Variants in ARMC2 observed in about 807,000 individuals in gnomAD.
ARMC2 encodes armadillo repeat containing 2.
A neutral mutation model predicts 90.3 loss-of-function variants in ARMC2; 67 were observed. The observed-to-expected ratio is 0.74, with a 90% CI of 0.61 to 0.91. ARMC2 has a LOEUF of 0.91. ARMC2 is among the 40% of genes least tolerant of loss of function. The probability of loss-of-function intolerance (pLI) is 0.00; values close to 1 mark genes in which losing one functional copy is unlikely to be tolerated. For synonymous variants in ARMC2, 393 were observed against 393.0 expected, an observed-to-expected ratio of 1.00 and a Z score of 0.00; for missense variants, 920 against 1,030.9, an observed-to-expected ratio of 0.89 and a Z score of 1.47.
the ARMC2 span, among the ~76,000 whole-genome samples, chr6:108,979,896 T>C: frequency 6.6e-6 from 1 of 151,708 alleles, no homozygotes; most frequent in African/African-American, 2.4e-5. Context: ...TCATCTAACC[T>C]TTTTTCAGGG....
At chr6:108,936,097 G>A (rs894978714) in intron 11 of ARMC2, among the ~76,000 whole-genome samples, 4 of 152,126 alleles carry the variant, frequency 2.6e-5, no homozygotes, top group Non-Finnish European at 5.9e-5. Context: ...GGTTTTGTTT[G>A]CTTGCTTGCT....
chr6:109,022,411 C>CTTTTTTTT, the ARMC2 span, among the ~76,000 whole-genome samples: 5 of 65,870 alleles, frequency 7.6e-5, no homozygotes, highest in East Asian at 1.0e-3. Flanking sequence ...TGTTCTAAAG[C>CTTTTTTTT]TTTTTTTTTT....
Position 108,868,878 on chromosome 6 carries a change from C to G in ARMC2, c.346C>G (p.Pro116Ala), listed in dbSNP as rs753358737. ...TREEDSCFSF[P>A]KPPVDPAKIR... ...AGAGGAGGATTCCTGCTTTTCCTTT[C>G]CTAAGCCCCCAGTGGACCCTGCGAA... Residue 116 changes from proline (P) to alanine (A), a missense_variant, in exon 4 of 18, where the codon CCT (proline) becomes GCT (alanine). Coordinates refer to ENST00000392644, the MANE Select transcript of ARMC2 (RefSeq NM_032131.6). The G allele has an allele frequency of 9.3e-6, 15 of 1,613,866 alleles. No individual in the cohort carries two copies. The highest frequency in any genetic ancestry group is 1.3e-5 in the African/African-American group (1 of 74,920).
intron 6 of ARMC2, 112 bp downstream of exon 6, chr6:108,894,655 G>C: frequency 1.1e-6 from 1 of 878,166 alleles, no homozygotes; most frequent in Non-Finnish European, 1.7e-6. Flanking sequence ...TGTCCAATTT[G>C]GTCACAAATC....
intron 12 of ARMC2, among the ~76,000 whole-genome samples, chr6:108,948,324 T>C (rs1393580940): frequency 6.6e-6 from 1 of 152,034 alleles, no homozygotes; most frequent in Non-Finnish European, 1.5e-5. Flanking sequence ...AGACAAGCCC[T>C]GGCATGGAGA....
At chr6:109,050,935 C>T in the ARMC2 span, among the ~76,000 whole-genome samples, 1 of 152,150 alleles carries the variant, frequency 6.6e-6, no homozygotes, top group Non-Finnish European at 1.5e-5. Flanking sequence ...TCCTCAGCCA[C>T]CTCCATAGAA....
At chr6:108,961,074 T>C (rs1777966474) in intron 13 of ARMC2, among the ~76,000 whole-genome samples, 3 of 152,114 alleles carry the variant, frequency 2.0e-5, no homozygotes, top group Admixed American at 2.0e-4. Flanking sequence ...TGCTGAGAGA[T>C]GAACTAGTGG....
chr6:109,005,710 C>T, the ARMC2 span, among the ~76,000 whole-genome samples: 1 of 152,170 alleles, frequency 6.6e-6, no homozygotes, highest in Admixed American at 6.5e-5. Context: ...TGTCTCCCCT[C>T]TTCCTTAGCC....
chr6:108,954,563 G>A (rs990780679), intron 13 of ARMC2, among the ~76,000 whole-genome samples: 26 of 152,178 alleles, frequency 1.7e-4, no homozygotes, highest in African/African-American at 6.0e-4. Context: ...ACGGAGGGCC[G>A]CAGTGGGCCG....
the ARMC2 span, among the ~76,000 whole-genome samples, chr6:109,040,806 C>T: frequency 6.6e-6 from 1 of 152,022 alleles, no homozygotes; most frequent in Non-Finnish European, 1.5e-5. Context: ...GTGCACGCGA[C>T]CACGCCCAGC....
At chr6:108,996,216 C>T in the ARMC2 span, among the ~76,000 whole-genome samples, 1 of 152,186 alleles carries the variant, frequency 6.6e-6, no homozygotes, top group African/African-American at 2.4e-5. Flanking sequence ...TATTAAGAGA[C>T]AATCTATATC....
chr6:108,978,593 G>A (rs1462956318), downstream of ARMC2, among the ~76,000 whole-genome samples: 1 of 152,132 alleles, frequency 6.6e-6, no homozygotes, highest in African/African-American at 2.4e-5. Context: ...CTGAAAGTGG[G>A]GTGTTAAAGT....
chr6:109,052,615 A>G, the ARMC2 span, among the ~76,000 whole-genome samples: 1 of 152,216 alleles, frequency 6.6e-6, no homozygotes, highest in African/African-American at 2.4e-5. Flanking sequence ...TAAATGTTAT[A>G]TTTAAACATT....
chr6:109,000,760 TAA>T, the ARMC2 span: 2 of 1,092,536 alleles, frequency 1.8e-6, no homozygotes, highest in Non-Finnish European at 2.4e-6. Flanking sequence ...AAGAGCTAAT[TAA>T]GTTTATTAGT....
At chr6:108,953,422 C>G in intron 13 of ARMC2, 71 bp downstream of exon 13, 1 of 1,443,948 alleles carries the variant, frequency 6.9e-7, no homozygotes, top group South Asian at 1.4e-5. Context: ...AGTTCTGTGT[C>G]TGTGGTGTGA....
At chr6:108,885,997 C>T (rs1778061067) in intron 5 of ARMC2, among the ~76,000 whole-genome samples, 1 of 152,164 alleles carries the variant, frequency 6.6e-6, no homozygotes, top group African/African-American at 2.4e-5. Context: ...AACTGTGTGG[C>T]CACAAAGCCT....
chr6:108,932,040 T>C (rs1251641416), intron 11 of ARMC2, among the ~76,000 whole-genome samples: 2 of 151,996 alleles, frequency 1.3e-5, no homozygotes, highest in African/African-American at 2.4e-5. Flanking sequence ...GCTGGGATTA[T>C]AGGCGTGAGC....
intron 5 of ARMC2, among the ~76,000 whole-genome samples, chr6:108,891,110 C>T (rs1299695348): frequency 6.6e-6 from 1 of 152,158 alleles, no homozygotes; most frequent in Non-Finnish European, 1.5e-5. Flanking sequence ...CATACTATTC[C>T]ATGGTGTATA....
chr6:108,944,072 C>G (rs913210015), intron 12 of ARMC2, among the ~76,000 whole-genome samples: 1 of 152,142 alleles, frequency 6.6e-6, no homozygotes, highest in Non-Finnish European at 1.5e-5. Context: ...TAAGGTGGTT[C>G]TTTAAAACCA....
Sources: gnomAD v4.1 joint callset for allele counts (sites outside exome capture counted in the v4.1 genomes callset) on GRCh38, gnomAD v4.1.1 for gene constraint, MANE v1.5 for transcripts, NCBI Gene and HGNC (gene_info 2026-07-23, HGNC 2026-07-21) for gene names.